The following GSN variants were observed in gnomAD, a reference collection of about 807,000 sequenced individuals.
The protein encoded by GSN is gelsolin, also known as actin-depolymerizing factor.
GSN carries 56 observed loss-of-function variants against 85.7 expected under a neutral mutation model. That is an observed-to-expected ratio of 0.65 (90% CI 0.53 to 0.82). The LOEUF (loss-of-function observed/expected upper bound fraction) is 0.82, where lower values mean the gene tolerates loss of function less well. GSN is among the 40% of genes least tolerant of loss of function. The probability of loss-of-function intolerance (pLI) is 0.00; values close to 1 mark genes in which losing one functional copy is unlikely to be tolerated. For missense variants in GSN, 857 were observed against 979.8 expected (o/e 0.87, Z 1.67); for synonymous variants, 373 against 399.1 (o/e 0.93, Z 0.78).
chr9:121,272,150 A>G (rs893559884), intron 1 of GSN, among the ~76,000 whole-genome samples: 2 of 152,178 alleles, frequency 1.3e-5, no homozygotes, highest in Non-Finnish European at 1.5e-5. Flanking sequence ...TGGTTTGTGA[A>G]GTTGGAGACC....
At chr9:121,280,754 C>T (rs1038797864) in intron 1 of GSN, 21 of 152,078 alleles carry the variant, frequency 1.4e-4, no homozygotes, top group Non-Finnish European at 8.8e-5. Context: ...ACTGAGACTC[C>T]GAGAAGTGAT....
At chr9:121,201,707 G>C in the GSN span, 2 of 152,618 alleles carry the variant, frequency 1.3e-5, no homozygotes, top group Non-Finnish European at 2.9e-5. Context: ...GAACAGGAGT[G>C]CGGACGCAGC....
chr9:121,293,968 AG>A (rs34868940), intron 2 of GSN, among the ~76,000 whole-genome samples: 57,507 of 152,060 alleles, frequency 0.38, 13,550 homozygotes, highest in East Asian at 0.62. Context: ...ACTTGCTCAA[AG>A]CCACACTGCT....
At chr9:121,273,074 T>C (rs977742941) in intron 1 of GSN, among the ~76,000 whole-genome samples, 8 of 152,200 alleles carry the variant, frequency 5.3e-5, no homozygotes, top group Non-Finnish European at 8.8e-5. Context: ...AACAGTTTTC[T>C]TCCTGGGCTA....
chr9:121,293,697 C>CAAA (rs55953322), intron 2 of GSN, among the ~76,000 whole-genome samples: 6 of 108,826 alleles, frequency 5.5e-5, no homozygotes, highest in African/African-American at 2.0e-4. Flanking sequence ...GACCCCATCT[C>CAAA]AAAAAAAAAA....
At chr9:121,313,889 C>T in intron 6 of GSN, 45 bp from the exon 7 acceptor site, 2 of 1,455,890 alleles carry the variant, frequency 1.4e-6, no homozygotes, top group Non-Finnish European at 1.9e-6. Context: ...AGCCTGGCCC[C>T]TCCCTCACAG....
At chr9:121,294,551 C>G (rs2059027217) in intron 2 of GSN, among the ~76,000 whole-genome samples, 1 of 152,222 alleles carries the variant, frequency 6.6e-6, no homozygotes, top group Non-Finnish European at 1.5e-5. Context: ...GCTCCGGAAG[C>G]TGGGAAAGGA....
chr9:121,326,858 G>C lies in GSN; in HGVS notation c.1587+176G>C, dbSNP rs970955692. ...GGTTGTCTGTCTTAGACTCCCCCCT[G>C]TTTCAAGGATACCCAGTGTCCCTTG... On this transcript the variant is annotated intron_variant, in intron 13 of 17. Transcript: ENST00000432226. 9.6e-5 allele frequency: 74 copies of C among 771,074 alleles called. No homozygotes were observed. In the Admixed American group the frequency reaches 1.3e-3, roughly 14 times the overall value. 47.8% of individuals were successfully genotyped at this position (771,074 alleles called of 1,614,324 possible).
At chr9:121,209,107 A>G (rs2053928462) in intron 1 of GSN, among the ~76,000 whole-genome samples, 1 of 152,260 alleles carries the variant, frequency 6.6e-6, no homozygotes, top group Admixed American at 6.5e-5. Flanking sequence ...GCCAGGTTGG[A>G]GAAGAAACTT....
chr9:121,204,035 C>G (rs1201774717), upstream of GSN, among the ~76,000 whole-genome samples: 1 of 152,098 alleles, frequency 6.6e-6, no homozygotes, highest in Non-Finnish European at 1.5e-5. Flanking sequence ...CATTAATTGC[C>G]CAGGTATGAA....
chr9:121,224,900 C>G (rs2054245190), intron 4 of GSN, among the ~76,000 whole-genome samples: 1 of 152,134 alleles, frequency 6.6e-6, no homozygotes, highest in Non-Finnish European at 1.5e-5. Flanking sequence ...CTCACTGCAG[C>G]CTTATTCTCC....
chr9:121,307,171 A>C (rs1406367864), intron 4 of GSN, among the ~76,000 whole-genome samples: 2 of 151,986 alleles, frequency 1.3e-5, no homozygotes, highest in East Asian at 3.9e-4. Flanking sequence ...ATGGAACGAG[A>C]CTCTGTCTCA....
chr9:121,217,048 A>C (rs2054076912), intron 4 of GSN, among the ~76,000 whole-genome samples: 1 of 152,100 alleles, frequency 6.6e-6, no homozygotes, highest in Admixed American at 6.5e-5. Flanking sequence ...TTTCTAACTT[A>C]AGGAGATTTC....
chr9:121,306,014 T>A (rs1412295667), intron 4 of GSN, among the ~76,000 whole-genome samples: 1 of 152,210 alleles, frequency 6.6e-6, no homozygotes, highest in Admixed American at 6.5e-5. Flanking sequence ...TTGGCCCTCT[T>A]GTTCTATGAC....
Position 121,329,350 on chromosome 9 carries a change from G to A in GSN, c.1965+35G>A, listed in dbSNP as rs1280454346. On this transcript the variant is annotated intron_variant, in intron 16 of 17. Transcript: ENST00000432226. The surrounding 1 kb of genome is among the most constrained non-coding windows in gnomAD (Gnocchi z 4.6). ...GGACAGGTGAAGGCTCTCTGTGCCA[G>A]AGGGAGTGGGAGAAACTAGACTTCC... 9 of 1,197,248 alleles carry A rather than the reference G, an allele frequency of 7.5e-6. No individual in the cohort carries two copies. The highest frequency in any genetic ancestry group is 1.0e-5 in the Non-Finnish European group (8 of 799,250). The allele number at this position is 1,197,248 out of a possible 1,614,324, so 74.2% of individuals were successfully genotyped here.
intron 5 of GSN, chr9:121,311,180 C>T: frequency 2.6e-6 from 1 of 386,848 alleles, no homozygotes; most frequent in South Asian, 2.4e-5. Context: ...CACATGTGCA[C>T]CATCATGAAT....
At chr9:121,203,188 A>G (rs568118033), upstream of GSN, 98 of 151,612 alleles carry the variant, frequency 6.5e-4, no homozygotes, top group Non-Finnish European at 1.2e-3. Context: ...AATCCTAGCT[A>G]CTGGGGAGGC....
rs1443767068 is a variant in GSN, at chr9:121,318,507, G to A, written c.975+13G>A. 6.2e-7 allele frequency: 1 copy of A among 1,602,794 alleles called. No individual in the cohort carries two copies. Among genetic ancestry groups the A allele is most frequent in the Non-Finnish European group, 8.5e-7 (1 of 1,169,686 alleles). ...CAAGCAGACTCAGGTGAGTCTTGGA[G>A]GCCAGGTAGGATGGGAAGGGGTGGG... is the stretch of plus-strand genomic sequence containing the variant. On this transcript the variant is annotated intron_variant, in intron 9 of 17. Transcript: ENST00000432226. This position sits in a 1 kb window ranked among gnomAD's most constrained non-coding sequence, Gnocchi z 4.3.
chr9:121,298,289 T>C (rs1341189970), intron 2 of GSN, among the ~76,000 whole-genome samples: 4 of 152,234 alleles, frequency 2.6e-5, no homozygotes, highest in Admixed American at 6.5e-5. Context: ...CTGGAATGTC[T>C]TTTCTTCTTA....
Sources: allele counts gnomAD v4.1 joint callset (sites outside exome capture counted in the v4.1 genomes callset), GRCh38; gene constraint gnomAD v4.1.1; non-coding constraint Gnocchi (gnomAD v3.1); transcripts MANE v1.5; gene names NCBI Gene and HGNC (gene_info 2026-07-23, HGNC 2026-07-21).